The following VPS13B variants were observed in gnomAD, a reference collection of about 807,000 sequenced individuals.
The protein encoded by VPS13B is vacuolar protein sorting 13 homolog B.
A neutral mutation model predicts 426.4 loss-of-function variants in VPS13B; 285 were observed. The observed-to-expected ratio is 0.67, with a 90% CI of 0.61 to 0.74. The LOEUF (loss-of-function observed/expected upper bound fraction) is 0.74. Among genes scored for constraint, VPS13B ranks in the 30% least tolerant of loss-of-function variants. The probability of loss-of-function intolerance (pLI) is 0.00; values close to 1 mark genes in which losing one functional copy is unlikely to be tolerated. For synonymous variants in VPS13B, 1,676 were observed against 1,676.4 expected (o/e 1.00, Z 0.01); for missense variants, 4,537 against 4,782.6 (o/e 0.95, Z 1.51).
intron 19 of VPS13B, among the ~76,000 whole-genome samples, chr8:99,322,097 C>T (rs1810014691): frequency 6.6e-6 from 1 of 152,172 alleles, no homozygotes; most frequent in African/African-American, 2.4e-5. Flanking sequence ...TAGTTGTATC[C>T]TTCAGACGAG....
chr8:99,109,506 C>G (rs1176206361), intron 5 of VPS13B, among the ~76,000 whole-genome samples: 1 of 151,718 alleles, frequency 6.6e-6, no homozygotes, highest in Non-Finnish European at 1.5e-5. Flanking sequence ...CCTCAGTCAC[C>G]TGAGTAGCTG....
At chr8:99,348,087 C>T (rs1332243972) in intron 19 of VPS13B, 2 of 152,272 alleles carry the variant, frequency 1.3e-5, no homozygotes, top group South Asian at 4.1e-4. Flanking sequence ...TGCCTGGGGT[C>T]ATCTAGGTAT....
chr8:99,411,277 C>A (rs954402999), intron 21 of VPS13B, among the ~76,000 whole-genome samples: 1 of 152,192 alleles, frequency 6.6e-6, no homozygotes, highest in Non-Finnish European at 1.5e-5. Flanking sequence ...GATGGTATCT[C>A]ATTGTGGTTT....
chr8:99,745,195 G>A (rs1344851743), intron 39 of VPS13B, among the ~76,000 whole-genome samples: 6 of 152,052 alleles, frequency 3.9e-5, no homozygotes, highest in Non-Finnish European at 1.5e-5. Flanking sequence ...CTTCCAAAAA[G>A]TGATTTGTAA....
chr8:99,070,494 A>G (rs930947292), intron 3 of VPS13B, among the ~76,000 whole-genome samples: 1 of 152,214 alleles, frequency 6.6e-6, no homozygotes, highest in Non-Finnish European at 1.5e-5. Flanking sequence ...TAAGTATTTG[A>G]CTGCTTATGG....
Position 99,013,934 on chromosome 8 carries a change from A to G in VPS13B, c.146A>G (p.Gln49Arg), listed in dbSNP as rs1841452113. ...GAGTTAAAGTTGGATGTGCTGGAACAGGTAAGCTATTTAGCTGTCATTAAC... is the reference window on the plus strand; with the variant it reads ...GAGTTAAAGTTGGATGTGCTGGAACGGGTAAGCTATTTAGCTGTCATTAAC... Reference protein sequence around the residue: ...KLELKLDVLEQELKLPFTFLS... With the variant: ...KLELKLDVLERELKLPFTFLS... Residue 49 changes from glutamine to arginine, a missense_variant and splice_region_variant, in exon 2 of 62, where the codon CAG becomes CGG. Coordinates refer to ENST00000357162, the MANE Select transcript of VPS13B (RefSeq NM_152564.5). 1.2e-6 allele frequency: 2 copies of G among 1,614,122 alleles called. No homozygotes were observed. The highest frequency in any genetic ancestry group is 3.3e-5 in the Admixed American group (2 of 60,012).
chr8:99,560,293 T>C (rs749901206), intron 31 of VPS13B, among the ~76,000 whole-genome samples: 3 of 152,116 alleles, frequency 2.0e-5, no homozygotes, highest in Non-Finnish European at 4.4e-5. Context: ...CTTATCAGCT[T>C]AAGGAGATTT....
At chr8:99,471,108 A>G (rs1030814571) in intron 24 of VPS13B, among the ~76,000 whole-genome samples, 1 of 152,116 alleles carries the variant, frequency 6.6e-6, no homozygotes, top group Middle Eastern at 3.2e-3. Context: ...AAAAGCTAAG[A>G]AAGTTTGTCA....
At chr8:99,296,872 C>G (rs1293208918) in intron 19 of VPS13B, among the ~76,000 whole-genome samples, 1 of 152,150 alleles carries the variant, frequency 6.6e-6, no homozygotes, top group Non-Finnish European at 1.5e-5. Flanking sequence ...TGATCTTGGA[C>G]TCCCTAGGTT....
At chr8:99,805,267 G>A (rs1022385338) in intron 43 of VPS13B, among the ~76,000 whole-genome samples, 2 of 151,374 alleles carry the variant, frequency 1.3e-5, no homozygotes, top group East Asian at 3.9e-4. Flanking sequence ...ACAAATGAGT[G>A]TGAAGATAAA....
chr8:99,620,500 G>A (rs921966943), intron 33 of VPS13B, among the ~76,000 whole-genome samples: 13 of 152,018 alleles, frequency 8.6e-5, no homozygotes, highest in Admixed American at 4.6e-4. Context: ...AGGGTGGGAG[G>A]GAAAGCTGTG....
chr8:99,755,512 A>G lies in VPS13B; in HGVS notation c.7051-11262A>G, dbSNP rs531710387. The stretch of plus-strand genomic sequence containing the variant: ...AGGCTGGAGGCGGTGGCTGATGCCT[A>G]TAATCCCAGCACTTTGGGAGGCCGA... On this transcript the variant is annotated intron_variant, in intron 39 of 61. Transcript: ENST00000357162. Among the ~76,000 whole-genome samples, 7 of 152,266 alleles carry G rather than the reference A, an allele frequency of 4.6e-5. No individual in the cohort carries two copies. The East Asian group carries it at 7.7e-4, about 17-fold the overall frequency.
At chr8:99,190,353 T>A (rs1042947826) in intron 16 of VPS13B, among the ~76,000 whole-genome samples, 20 of 151,960 alleles carry the variant, frequency 1.3e-4, no homozygotes, top group East Asian at 1.9e-4. Context: ...TTTTTTTTTT[T>A]AATATAATCG....
intron 33 of VPS13B, among the ~76,000 whole-genome samples, chr8:99,581,978 T>C (rs1274034834): frequency 6.6e-6 from 1 of 151,958 alleles, no homozygotes; most frequent in South Asian, 2.1e-4. Flanking sequence ...GTTAGTTCCT[T>C]GCCTTTTACA....
chr8:99,115,906 A>G (rs1847632466), intron 7 of VPS13B, 32 bp downstream of exon 7: 2 of 1,599,720 alleles, frequency 1.3e-6, no homozygotes, highest in Non-Finnish European at 1.7e-6. Context: ...CAAAAACTTT[A>G]TTTTAAGACT....
intron 33 of VPS13B, among the ~76,000 whole-genome samples, chr8:99,597,178 G>A (rs1827061777): frequency 6.6e-6 from 1 of 151,768 alleles, no homozygotes; most frequent in South Asian, 2.1e-4. Context: ...GGTTTTGATG[G>A]GGCTTCCCAT....
intron 19 of VPS13B, among the ~76,000 whole-genome samples, chr8:99,356,333 A>AAAG (rs373059221): frequency 3.3e-4 from 51 of 152,290 alleles, no homozygotes; most frequent in African/African-American, 1.2e-3. Flanking sequence ...CCACCCTAAA[A>AAAG]AAGAAGTAAA....
chr8:99,622,882 C>T (rs1828427233), intron 33 of VPS13B, among the ~76,000 whole-genome samples: 1 of 152,150 alleles, frequency 6.6e-6, no homozygotes, highest in African/African-American at 2.4e-5. Context: ...GACTTCTTAT[C>T]ACTACCTTCA....
chr8:99,127,111 A>G (rs1190703201), intron 8 of VPS13B, among the ~76,000 whole-genome samples: 3 of 152,070 alleles, frequency 2.0e-5, no homozygotes, highest in Non-Finnish European at 4.4e-5. Flanking sequence ...AAAGAAAAAA[A>G]AAAAAGAAAG....
Sources: allele counts gnomAD v4.1 joint callset (sites outside exome capture counted in the v4.1 genomes callset), GRCh38; gene constraint gnomAD v4.1.1; transcripts MANE v1.5; gene names NCBI Gene and HGNC (gene_info 2026-07-23, HGNC 2026-07-21).